Variants in CSMD3 observed in about 807,000 individuals in gnomAD.
CSMD3 encodes the protein CUB and Sushi multiple domains 3.
Under a neutral mutation model 435.2 loss-of-function variants are expected in CSMD3, and 177 were observed. The observed-to-expected ratio is 0.41, with a 90% confidence interval of 0.36 to 0.46. CSMD3 has a LOEUF of 0.46. Among genes scored for constraint, CSMD3 ranks in the 20% least tolerant of loss-of-function variants. The pLI, the probability that CSMD3 is intolerant of heterozygous loss-of-function variation, is 0.34. For missense variants in CSMD3, 4,265 were observed against 4,504.6 expected (o/e 0.95, Z 1.52); for synonymous variants, 1,656 against 1,520.5 (o/e 1.09, Z -2.07).
rs139443904 is a variant in CSMD3, at chr8:112,684,001, G to GA, written c.2483-1366dup. Among the ~76,000 whole-genome samples, 597 of 151,264 alleles carry GA rather than the reference G, an allele frequency of 3.9e-3. 13 individuals carry two copies. In the East Asian group the frequency reaches 0.073, roughly 19 times the overall value. On this transcript the variant is annotated intron_variant, in intron 15 of 70. Transcript: ENST00000297405. ...AGAGTACCTGGTAGATATTTTTTCA[G>GA]AAAAAATGAATCTCATTAGTAAGCA...
chr8:113,149,198 A>G (rs1330749528), intron 4 of CSMD3, among the ~76,000 whole-genome samples: 1 of 151,814 alleles, frequency 6.6e-6, no homozygotes, highest in Non-Finnish European at 1.5e-5. Context: ...ATTTTTATTC[A>G]TATTATACAA....
chr8:112,574,752 A>G (rs1369508196), intron 23 of CSMD3, among the ~76,000 whole-genome samples: 3 of 151,958 alleles, frequency 2.0e-5, no homozygotes, highest in African/African-American at 4.8e-5. Context: ...ACTTTATTCC[A>G]TACTATTTTG....
intron 21 of CSMD3, among the ~76,000 whole-genome samples, chr8:112,637,795 T>G (rs1469706828): frequency 1.3e-5 from 2 of 152,070 alleles, no homozygotes; most frequent in Non-Finnish European, 2.9e-5. Flanking sequence ...TTACTTGGAC[T>G]TTTTTTAACA....
intron 68 of CSMD3, 71 bp downstream of exon 68, chr8:112,234,294 C>T: frequency 1.0e-6 from 1 of 952,650 alleles, no homozygotes; most frequent in East Asian, 2.4e-5. Context: ...ATTTAGAAAA[C>T]TCTCCTTTCC....
intron 1 of CSMD3, among the ~76,000 whole-genome samples, chr8:113,355,749 T>C (rs71508426): frequency 0.77 from 62,740 of 81,334 alleles, 24,528 homozygotes; most frequent in East Asian, 0.87. Flanking sequence ...TATATATATA[T>C]ACACACACAC....
intron 4 of CSMD3, among the ~76,000 whole-genome samples, chr8:113,165,941 G>A (rs1220114453): frequency 6.6e-6 from 1 of 152,072 alleles, no homozygotes; most frequent in African/African-American, 2.4e-5. Context: ...AAGGGTGATG[G>A]CAGGATAAGA....
At chr8:112,691,445 T>A (rs1051133515) in intron 13 of CSMD3, among the ~76,000 whole-genome samples, 1 of 152,106 alleles carries the variant, frequency 6.6e-6, no homozygotes, top group East Asian at 1.9e-4. Flanking sequence ...TTGGTAGCCA[T>A]CTGAGTACCA....
chr8:112,371,185 T>C (rs748931404), intron 38 of CSMD3, among the ~76,000 whole-genome samples: 216 of 152,276 alleles, frequency 1.4e-3, no homozygotes, highest in Non-Finnish European at 2.3e-3. Context: ...CACACGCTGC[T>C]GGGCAGAGAA....
intron 31 of CSMD3, among the ~76,000 whole-genome samples, chr8:112,488,911 T>C (rs181868368): frequency 1.1e-4 from 16 of 152,242 alleles, no homozygotes; most frequent in Non-Finnish European, 2.4e-4. Context: ...ATCAGAATCT[T>C]CAGCTTCTGA....
chr8:112,568,168 C>T (rs1002166682), intron 24 of CSMD3, among the ~76,000 whole-genome samples: 1 of 152,164 alleles, frequency 6.6e-6, no homozygotes, highest in African/African-American at 2.4e-5. Flanking sequence ...GCTGTCCACA[C>T]TTTAATTGTC....
chr8:112,767,103 GAAGT>G (rs1315654556), intron 13 of CSMD3, among the ~76,000 whole-genome samples: 1 of 151,830 alleles, frequency 6.6e-6, no homozygotes, highest in Non-Finnish European at 1.5e-5. Flanking sequence ...AAGTAAAAAT[GAAGT>G]AAGGAGTAAT....
In CSMD3 at chr8:113,390,832, A is replaced by G. The variant is rs1252469555; in HGVS notation, c.178+45845T>C. Among the ~76,000 whole-genome samples the G allele has an allele frequency of 2.0e-5, 3 of 152,102 alleles. No homozygotes were observed. In the East Asian group the frequency reaches 5.8e-4, roughly 29 times the overall value. On this transcript the variant is annotated intron_variant, in intron 1 of 70. Coordinates refer to ENST00000297405, the MANE Select transcript of CSMD3 (RefSeq NM_198123.2). ...TATTCTAATCATACTTTTATTTCTC[A>G]AAATGTATCATGGAAAGTATCTGGA...
At chr8:112,500,677 T>A (rs1002884917) in intron 30 of CSMD3, among the ~76,000 whole-genome samples, 2 of 152,132 alleles carry the variant, frequency 1.3e-5, no homozygotes, top group Non-Finnish European at 2.9e-5. Flanking sequence ...AGCCATCATA[T>A]CACTTTCTTT....
At chr8:112,782,162 T>A (rs921437496) in intron 13 of CSMD3, among the ~76,000 whole-genome samples, 60 of 152,190 alleles carry the variant, frequency 3.9e-4, no homozygotes, top group African/African-American at 1.4e-3. Flanking sequence ...ATAGCTGTTT[T>A]AGGAAGCTCA....
chr8:113,266,160 G>C lies in CSMD3; in HGVS notation c.514+12432C>G, dbSNP rs73335588. Reference sequence around the variant, plus strand: ...CCACTTAGATTTTTAAAGCTTAGTAGTTGAAAATAACCCCTAAACTTAAAA... The same window carrying C: ...CCACTTAGATTTTTAAAGCTTAGTACTTGAAAATAACCCCTAAACTTAAAA... On this transcript the variant is annotated intron_variant, in intron 3 of 70. Coordinates refer to ENST00000297405, the MANE Select transcript of CSMD3 (RefSeq NM_198123.2). 3.8e-3 allele frequency among the ~76,000 whole-genome samples: 526 copies of C among 139,974 alleles called. 3 individuals carry two copies. The highest frequency in any genetic ancestry group is 0.013 in the African/African-American group (491 of 37,972). 91.8% of individuals were successfully genotyped at this position (139,974 alleles called of 152,430 possible).
chr8:112,242,491 C>T (rs1192259470), intron 65 of CSMD3, among the ~76,000 whole-genome samples: 1 of 152,004 alleles, frequency 6.6e-6, no homozygotes, highest in Admixed American at 6.6e-5. Flanking sequence ...AGTTGAGAGA[C>T]ACTGCAGTAG....
chr8:113,404,512 T>C (rs1176999052), intron 1 of CSMD3, among the ~76,000 whole-genome samples: 1 of 151,366 alleles, frequency 6.6e-6, no homozygotes, highest in African/African-American at 2.4e-5. Context: ...CCTCAATCCA[T>C]ATCTTTTGTT....
At position 113,006,190 on chromosome 8, in the gene CSMD3, T is replaced by C. The variant is rs184468089; in HGVS notation, c.1030+12877A>G. On this transcript the variant is annotated intron_variant, in intron 6 of 70. Coordinates refer to ENST00000297405, the MANE Select transcript of CSMD3 (RefSeq NM_198123.2). ...TTCTCCAGAGATGACAGAGGCTATT[T>C]CAGTTTGTGCATACGTCCTGGATTA... is the stretch of plus-strand genomic sequence containing the variant. Among the ~76,000 whole-genome samples the C allele has an allele frequency of 5.9e-3, 901 of 152,210 alleles. 4 individuals carry two copies. The highest frequency in any genetic ancestry group is 0.019 in the African/African-American group (801 of 41,560).
chr8:113,212,772 A>G (rs2092853255), intron 3 of CSMD3, among the ~76,000 whole-genome samples: 1 of 151,930 alleles, frequency 6.6e-6, no homozygotes, highest in Non-Finnish European at 1.5e-5. Context: ...TAGCATTAGG[A>G]GATATACCTA....
Sources: gnomAD v4.1 joint callset for allele counts (sites outside exome capture counted in the v4.1 genomes callset) on GRCh38, gnomAD v4.1.1 for gene constraint, MANE v1.5 for transcripts, NCBI Gene and HGNC (gene_info 2026-07-23, HGNC 2026-07-21) for gene names.